ATAD2B: variants seen among roughly 807,000 people sequenced by gnomAD.
The protein encoded by ATAD2B is ATPase family AAA domain containing 2B, also known as ATPase family AAA domain-containing protein 2B.
ATAD2B carries 40 observed loss-of-function variants against 167.6 expected under a neutral mutation model. The ratio of observed to expected loss-of-function variants is 0.24; its 90% CI spans 0.19 to 0.31. ATAD2B has a LOEUF of 0.31. Among genes scored for constraint, ATAD2B ranks in the 10% least tolerant of loss-of-function variants. The pLI is 1.00. For synonymous variants in ATAD2B, 579 were observed against 596.5 expected, an observed-to-expected ratio of 0.97 and a Z score of 0.43; for missense variants, 1,242 against 1,757.2, an observed-to-expected ratio of 0.71 and a Z score of 5.24.
chr2:23,920,132 CAG>C (rs1328016822), intron 1 of ATAD2B, among the ~76,000 whole-genome samples: 1 of 142,980 alleles, frequency 7.0e-6, no homozygotes, highest in Non-Finnish European at 1.5e-5. Context: ...GCCTGGGCAA[CAG>C]AGAGAGACTC....
intron 22 of ATAD2B, among the ~76,000 whole-genome samples, chr2:23,781,684 A>C (rs1023511100): frequency 6.6e-6 from 1 of 151,886 alleles, no homozygotes; most frequent in East Asian, 1.9e-4. Flanking sequence ...AAAATAAACA[A>C]TAATAGCCAA....
At chr2:23,862,850 A>C (rs1179387263) in intron 12 of ATAD2B, among the ~76,000 whole-genome samples, 1 of 152,180 alleles carries the variant, frequency 6.6e-6, no homozygotes, top group Non-Finnish European at 1.5e-5. Flanking sequence ...TGTTGTCTAA[A>C]GCACCTAACA....
chr2:23,731,363 T>C, the ATAD2B span, among the ~76,000 whole-genome samples: 1 of 152,210 alleles, frequency 6.6e-6, no homozygotes, highest in African/African-American at 2.4e-5. Flanking sequence ...AGGAATAAGA[T>C]TACATTAGAA....
the ATAD2B span, among the ~76,000 whole-genome samples, chr2:23,733,606 T>C: frequency 3.3e-5 from 5 of 152,214 alleles, no homozygotes; most frequent in Non-Finnish European, 5.9e-5. Context: ...GATGCCAAAA[T>C]GTCCAATACT....
the ATAD2B span, among the ~76,000 whole-genome samples, chr2:23,741,371 C>G: frequency 3.9e-5 from 6 of 152,144 alleles, no homozygotes; most frequent in Non-Finnish European, 7.3e-5. Flanking sequence ...ATCAATGGAA[C>G]AGAACACAGC....
chr2:23,837,997 C>T (rs1690281562), intron 13 of ATAD2B, among the ~76,000 whole-genome samples: 1 of 152,182 alleles, frequency 6.6e-6, no homozygotes. Context: ...GCTCTCATTT[C>T]TATTCCTTTA....
intron 22 of ATAD2B, among the ~76,000 whole-genome samples, chr2:23,777,811 T>C (rs929896821): frequency 2.0e-5 from 3 of 152,206 alleles, no homozygotes; most frequent in Non-Finnish European, 4.4e-5. Context: ...AAATATCTGA[T>C]ACTGGTCACA....
At chr2:23,718,687 G>A in the ATAD2B span, among the ~76,000 whole-genome samples, 3 of 152,314 alleles carry the variant, frequency 2.0e-5, no homozygotes, top group Admixed American at 6.5e-5. Context: ...ATTATCTTAT[G>A]ATTTGGGAGG....
chr2:23,911,276 T>C (rs2150544232), intron 1 of ATAD2B, among the ~76,000 whole-genome samples: 1 of 146,510 alleles, frequency 6.8e-6, no homozygotes, highest in Non-Finnish European at 1.5e-5. Flanking sequence ...GTTAATTGGC[T>C]AGGCACAGTG....
At chr2:23,791,774 T>G (rs1183247634) in intron 19 of ATAD2B, among the ~76,000 whole-genome samples, 1 of 152,208 alleles carries the variant, frequency 6.6e-6, no homozygotes, top group Non-Finnish European at 1.5e-5. Flanking sequence ...GTTTATCCTT[T>G]CAACTATCAA....
intron 18 of ATAD2B, among the ~76,000 whole-genome samples, chr2:23,803,247 G>A (rs949928599): frequency 1.1e-4 from 17 of 152,092 alleles, no homozygotes; most frequent in Non-Finnish European, 2.2e-4. Flanking sequence ...AAATCTTCCA[G>A]GCTATACCAA....
At chr2:23,706,338 G>GTTGTT in the ATAD2B span, 7 of 578,540 alleles carry the variant, frequency 1.2e-5, no homozygotes, top group African/African-American at 1.4e-4. Flanking sequence ...GCCCAGGTTA[G>GTTGTT]AGGGCAAAGA....
chr2:23,762,213 A>G lies in ATAD2B; in HGVS notation c.3390T>C (p.Cys1130=), dbSNP rs749857131. The change falls in exon 24 of 28, where the codon TGT becomes TGC. Residue 1130 remains cysteine, a synonymous_variant. Coordinates refer to ENST00000238789, the MANE Select transcript of ATAD2B (RefSeq NM_017552.4). ...MDVWHNSANK[C]AFRVRRKSRR... Reference sequence around the variant, plus strand: ...AACATGAGCTGAAATACTCACATGCACATTTATTTGCAGAGTTGTGCCACA... The same window carrying G: ...AACATGAGCTGAAATACTCACATGCGCATTTATTTGCAGAGTTGTGCCACA... 1 of 1,613,448 alleles carries G rather than the reference A, an allele frequency of 6.2e-7. No homozygotes were observed. Among genetic ancestry groups the G allele is most frequent in the Non-Finnish European group, 8.5e-7 (1 of 1,179,640 alleles).
chr2:23,900,107 A>T (rs1234013942), intron 1 of ATAD2B, among the ~76,000 whole-genome samples: 1 of 148,686 alleles, frequency 6.7e-6, no homozygotes, highest in Non-Finnish European at 1.5e-5. Context: ...TAGTAGAGAC[A>T]GCGTTTCACT....
chr2:23,843,073 T>C (rs1691178342), intron 13 of ATAD2B, among the ~76,000 whole-genome samples: 1 of 152,146 alleles, frequency 6.6e-6, no homozygotes, highest in Non-Finnish European at 1.5e-5. Flanking sequence ...CATAACAGAA[T>C]TTTAAAGCAA....
At chr2:23,724,473 T>A in the ATAD2B span, among the ~76,000 whole-genome samples, 5 of 152,178 alleles carry the variant, frequency 3.3e-5, no homozygotes, top group African/African-American at 4.8e-5. Context: ...ATATATATAT[T>A]TTTTAAATTG....
At position 23,927,021 on chromosome 2, in the gene ATAD2B, T is replaced by C. The variant is rs2150766391; in HGVS notation, c.-251A>G. 1 of 478,024 alleles carries C rather than the reference T, an allele frequency of 2.1e-6. No homozygotes were observed. The highest frequency in any genetic ancestry group is 3.6e-6 in the Non-Finnish European group (1 of 274,520). 29.6% of individuals were successfully genotyped at this position (478,024 alleles called of 1,614,324 possible). A position where few individuals can be genotyped will look rare whatever the true frequency, so the allele number is the denominator to read the frequency against. ...CACAGACACTCCGCCGGCTTCGCCC[T>C]CCTCAGCGGGAGCCGAGCGGAGCCG... On this transcript the variant is annotated 5_prime_UTR_variant, in exon 1 of 28. Transcript: ENST00000238789.
the ATAD2B span, among the ~76,000 whole-genome samples, chr2:23,740,482 C>T: frequency 6.6e-6 from 1 of 151,810 alleles, no homozygotes; most frequent in African/African-American, 2.4e-5. Context: ...GCAGAAAAGG[C>T]CTTTGACAAA....
chr2:23,897,793 GA>G (rs1395101782), intron 1 of ATAD2B, among the ~76,000 whole-genome samples: 3 of 152,122 alleles, frequency 2.0e-5, no homozygotes, highest in Non-Finnish European at 2.9e-5. Context: ...TCTGGCCCTA[GA>G]TTAGCATTTC....
Sources: allele counts gnomAD v4.1 joint callset (sites outside exome capture counted in the v4.1 genomes callset), GRCh38; gene constraint gnomAD v4.1.1; transcripts MANE v1.5; gene names NCBI Gene and HGNC (gene_info 2026-07-23, HGNC 2026-07-21).